LRP5: variants seen among roughly 807,000 people sequenced by gnomAD.
LRP5 encodes the protein LDL receptor related protein 5.
A neutral mutation model predicts 154.1 loss-of-function variants in LRP5; 62 were observed. That is an observed-to-expected ratio of 0.40 (90% confidence interval 0.33 to 0.50). The LOEUF (loss-of-function observed/expected upper bound fraction) is 0.50. Among genes scored for constraint, LRP5 ranks in the 20% least tolerant of loss-of-function variants. LRP5 has a pLI of 0.55. For synonymous variants in LRP5, 966 were observed against 1,011.5 expected (o/e 0.96, Z 0.85); for missense variants, 1,915 against 2,336.7 (o/e 0.82, Z 3.72).
Position 68,313,026 on chromosome 11 carries a change from C to T in LRP5, c.91+221C>T, listed in dbSNP as rs1272355200. Reference sequence around the variant, plus strand: ...GGGCCCTCCCCGGGGACGCTGCGTCCCGGGCTGGCGAGGAGGGCGCCCGCT... The same window carrying T: ...GGGCCCTCCCCGGGGACGCTGCGTCTCGGGCTGGCGAGGAGGGCGCCCGCT... On this transcript the variant is annotated intron_variant, in intron 1 of 22. Coordinates refer to ENST00000294304, the MANE Select transcript of LRP5 (RefSeq NM_002335.4). Among the ~76,000 whole-genome samples, 10 of 147,920 alleles carry T rather than the reference C, an allele frequency of 6.8e-5. No individual in the cohort carries two copies. The East Asian group carries it at 1.4e-3, about 21-fold the overall frequency.
intron 1 of LRP5, among the ~76,000 whole-genome samples, chr11:68,345,005 G>A (rs1011573188): frequency 6.6e-6 from 1 of 151,628 alleles, no homozygotes; most frequent in Non-Finnish European, 1.5e-5. Context: ...TGGAACTACA[G>A]GCGCGTGCCA....
intron 3 of LRP5, among the ~76,000 whole-genome samples, chr11:68,362,954 C>T (rs2098628880): frequency 6.6e-6 from 1 of 152,158 alleles, no homozygotes; most frequent in African/African-American, 2.4e-5. Flanking sequence ...TAAAACTGCA[C>T]ATTACCGACC....
chr11:68,425,157 C>T lies in LRP5; in HGVS notation c.3292C>T (p.Leu1098=). The T allele has an allele frequency of 6.2e-7, 1 of 1,613,834 alleles. No individual in the cohort carries two copies. The highest frequency in any genetic ancestry group is 8.5e-7 in the Non-Finnish European group (1 of 1,179,988). Reference sequence around the variant, plus strand: ...GGCAGCCAAGATCGAACGCGCAGCCCTGGACGGCACCGAGCGCGAGGTCCT... The same window carrying T: ...GGCAGCCAAGATCGAACGCGCAGCCTTGGACGGCACCGAGCGCGAGGTCCT... The part of the protein sequence containing the change: ...DRAAKIERAA[L]DGTEREVLFT... The change falls in exon 15 of 23, where the codon CTG becomes TTG. Residue 1098 remains leucine, a synonymous_variant. Transcript: ENST00000294304.
the LRP5 span, among the ~76,000 whole-genome samples, chr11:68,298,741 G>C: frequency 6.6e-5 from 10 of 152,260 alleles, no homozygotes; most frequent in African/African-American, 2.4e-4. Context: ...GGGCCTTCAC[G>C]GGGCTGGTGC....
chr11:68,390,261 T>C (rs918773068), intron 7 of LRP5, among the ~76,000 whole-genome samples: 2 of 152,240 alleles, frequency 1.3e-5, no homozygotes, highest in South Asian at 2.1e-4. Context: ...TAAGATGTTA[T>C]CATTCGGCCA....
intron 17 of LRP5, among the ~76,000 whole-genome samples, chr11:68,430,743 C>T (rs1336717921): frequency 6.6e-6 from 1 of 152,184 alleles, no homozygotes; most frequent in Non-Finnish European, 1.5e-5. Flanking sequence ...TTCTCTCCTT[C>T]TACCCTTGAT....
At chr11:68,433,344 C>T (rs2098672991) in intron 17 of LRP5, among the ~76,000 whole-genome samples, 2 of 152,208 alleles carry the variant, frequency 1.3e-5, no homozygotes, top group African/African-American at 4.8e-5. Flanking sequence ...TTCCCTTCTG[C>T]ATTGAAAAAC....
In LRP5 at chr11:68,448,803, T is replaced by A. The variant is rs1343739633; in HGVS notation, c.4587-6T>A. 1.2e-6 allele frequency: 2 copies of A among 1,603,796 alleles called. No homozygotes were observed. Among genetic ancestry groups the A allele is most frequent in the South Asian group, 2.2e-5 (2 of 91,080 alleles). On this transcript the variant is annotated splice_polypyrimidine_tract_variant and splice_region_variant and intron_variant, in intron 22 of 22. Transcript: ENST00000294304. Reference sequence around the variant, plus strand: ...AATCCCACTCCTCTGTGTGTGTCCCTTTCAGGCCCTACATCATTCGAGGAA... The same window carrying A: ...AATCCCACTCCTCTGTGTGTGTCCCATTCAGGCCCTACATCATTCGAGGAA...
intron 9 of LRP5, among the ~76,000 whole-genome samples, 182 bp downstream of exon 9, chr11:68,406,995 C>T (rs996096897): frequency 3.3e-5 from 5 of 151,948 alleles, no homozygotes; most frequent in Non-Finnish European, 7.4e-5. Flanking sequence ...TGAGCAAGTC[C>T]GGTAGACACA....
chr11:68,403,654 C>T lies in LRP5; in HGVS notation c.1756C>T (p.Pro586Ser). ...ASRDVIIDQL[P>S]DLMGLKAVNV... The stretch of plus-strand genomic sequence containing the variant: ...CCGGGACGTCATCATTGACCAGCTG[C>T]CCGACCTGATGGGGCTCAAAGCTGT... The change falls in exon 8 of 23, where the codon CCC becomes TCC. Residue 586 changes from proline to serine, a missense_variant. Pro to Ser is a moderately conservative substitution (Grantham distance 74). Transcript: ENST00000294304. 1 of 1,614,146 alleles carries T rather than the reference C, an allele frequency of 6.2e-7. No homozygotes were observed. The highest frequency in any genetic ancestry group is 8.5e-7 in the Non-Finnish European group (1 of 1,180,052).
chr11:68,344,142 C>A (rs1195630991), intron 1 of LRP5, among the ~76,000 whole-genome samples: 1 of 152,196 alleles, frequency 6.6e-6, no homozygotes, highest in East Asian at 1.9e-4. Context: ...TGCCTGTGAG[C>A]TGCATAGTTG....
the LRP5 span, among the ~76,000 whole-genome samples, chr11:68,299,255 A>C: frequency 6.6e-6 from 1 of 152,182 alleles, no homozygotes; most frequent in Non-Finnish European, 1.5e-5. Context: ...GCAGTGCTGG[A>C]TGCAAGGGAC....
intron 10 of LRP5, among the ~76,000 whole-genome samples, chr11:68,411,021 G>C (rs147507368): frequency 4.7e-4 from 72 of 152,252 alleles, no homozygotes; most frequent in African/African-American, 1.7e-3. Flanking sequence ...GCCCAGAGCC[G>C]AGTTTACATC....
chr11:68,390,052 G>C lies in LRP5; in HGVS notation c.1584G>C (p.Glu528Asp). The change falls in exon 7 of 23, where the codon GAG becomes GAC. Residue 528 changes from glutamate (E) to aspartate (D), a missense_variant and splice_region_variant. This residue lies in a region of LRP5 where 773 missense variants were observed against 1,100.9 expected (regional missense o/e 0.70). Transcript: ENST00000294304. ...GAGACGCCAAGACAGACAAGATCGAGGTGAGGCTCCTGTGGACATGTTTGA... is the reference window on the plus strand; with the variant it reads ...GAGACGCCAAGACAGACAAGATCGACGTGAGGCTCCTGTGGACATGTTTGA... ...YWGDAKTDKI[E>D]VINVDGTKRR... The C allele has an allele frequency of 6.2e-7, 1 of 1,614,260 alleles. No individual in the cohort carries two copies. The highest frequency in any genetic ancestry group is 8.5e-7 in the Non-Finnish European group (1 of 1,180,046).
chr11:68,315,778 C>T (rs980559833), intron 1 of LRP5, among the ~76,000 whole-genome samples: 4 of 152,188 alleles, frequency 2.6e-5, no homozygotes, highest in Admixed American at 6.5e-5. Flanking sequence ...CCTTCACCCT[C>T]GGGGTGTCCT....
At position 68,449,208 on chromosome 11, in the gene LRP5, G is replaced by A. The variant is rs981993661; in HGVS notation, c.*138G>A. The A allele has an allele frequency of 1.8e-6, 1 of 566,064 alleles. No individual in the cohort carries two copies. The highest frequency in any genetic ancestry group is 2.8e-6 in the Non-Finnish European group (1 of 353,034). The allele number at this position is 566,064 out of a possible 1,614,324, so 35.1% of individuals were successfully genotyped here. On this transcript the variant is annotated 3_prime_UTR_variant, in exon 23 of 23. Transcript: ENST00000294304. ...ACATGAGAAATGTGAACTGTGATGG[G>A]GTGGGCAGGGCTGGGAGAACTTTGT...
intron 16 of LRP5, among the ~76,000 whole-genome samples, chr11:68,427,213 C>T (rs766628947): frequency 6.6e-6 from 1 of 152,094 alleles, no homozygotes; most frequent in South Asian, 2.1e-4. Flanking sequence ...TGGGAAATTA[C>T]GGGGTCATTT....
At chr11:68,334,343 A>G (rs1419226502) in intron 1 of LRP5, among the ~76,000 whole-genome samples, 1 of 152,198 alleles carries the variant, frequency 6.6e-6, no homozygotes, top group Admixed American at 6.5e-5. Context: ...TAGGGTGCAG[A>G]GGTGACTGAC....
At chr11:68,323,612 G>T (rs1263644532) in intron 1 of LRP5, among the ~76,000 whole-genome samples, 3 of 151,764 alleles carry the variant, frequency 2.0e-5, no homozygotes, top group Non-Finnish European at 4.4e-5. Flanking sequence ...TAGAAATGGG[G>T]TCCCTCCATG....
Sources: gnomAD v4.1 joint callset for allele counts (sites outside exome capture counted in the v4.1 genomes callset) on GRCh38, gnomAD v4.1.1 for gene constraint, gnomAD v4.1.1 regional missense constraint, MANE v1.5 for transcripts, NCBI Gene and HGNC (gene_info 2026-07-23, HGNC 2026-07-21) for gene names.